The following SQSTM1 variants were observed in gnomAD, a reference collection of about 807,000 sequenced individuals.
SQSTM1 encodes the protein sequestosome 1, also known as sequestosome-1.
Under a neutral mutation model 45.1 loss-of-function variants are expected in SQSTM1, and 36 were observed. The ratio of observed to expected loss-of-function variants is 0.80; its 90% confidence interval spans 0.61 to 1.05. The LOEUF (loss-of-function observed/expected upper bound fraction) is 1.05, where lower values mean the gene tolerates loss of function less well. Among genes scored for constraint, SQSTM1 ranks in the 50% least tolerant of loss-of-function variants. The pLI, the probability that SQSTM1 is intolerant of heterozygous loss-of-function variation, is 0.00. For synonymous variants in SQSTM1, 290 were observed against 244.3 expected (o/e 1.19, Z -1.74); for missense variants, 617 against 607.1 (o/e 1.02, Z -0.17).
At chr5:179,814,850 A>T (rs1281296093), upstream of SQSTM1, among the ~76,000 whole-genome samples, 1 of 151,374 alleles carries the variant, frequency 6.6e-6, no homozygotes, top group Non-Finnish European at 1.5e-5. Context: ...GAGCCCAAGA[A>T]GATCATGGTT....
In SQSTM1 at chr5:179,837,942, G is replaced by A. The variant is rs531005543; in HGVS notation, c.*1349G>A. ...GTAAGAACAATGCCAGGGCCCAGGA[G>A]GACCGCCTGCCCTGCCTGGGCCTTG... On this transcript the variant is annotated 3_prime_UTR_variant, in exon 8 of 8. Transcript: ENST00000389805. 2.0e-6 allele frequency: 3 copies of A among 1,533,958 alleles called. No homozygotes were observed. The South Asian group carries it at 3.6e-5, about 18-fold the overall frequency.
Position 179,837,747 on chromosome 5 carries a change from A to C in SQSTM1, c.*1154A>C. ...AGGACAAATTGCGCCCATTTAGAGG[A>C]TGTGGCTGTAACCTGCTGGATGGGA... On this transcript the variant is annotated 3_prime_UTR_variant, in exon 8 of 8. Transcript: ENST00000389805. The C allele has an allele frequency of 6.2e-7, 1 of 1,614,202 alleles. No homozygotes were observed.
At chr5:179,830,714 T>C (rs763541151) in intron 5 of SQSTM1, among the ~76,000 whole-genome samples, 3 of 152,082 alleles carry the variant, frequency 2.0e-5, no homozygotes, top group Non-Finnish European at 4.4e-5. Context: ...CCCGCCACCA[T>C]GCCTGGCTAA....
intron 5 of SQSTM1, among the ~76,000 whole-genome samples, chr5:179,830,104 G>A (rs966945468): frequency 8.1e-5 from 12 of 148,070 alleles, no homozygotes; most frequent in African/African-American, 3.1e-4. Flanking sequence ...AACAGACCTT[G>A]TCTCAAACAA....
intron 5 of SQSTM1, 134 bp from the exon 6 acceptor site, chr5:179,832,898 C>G: frequency 1.1e-6 from 1 of 901,854 alleles, no homozygotes; most frequent in Non-Finnish European, 1.8e-6. Flanking sequence ...GTGCCACCAT[C>G]CAGACACTTA....
intron 1 of SQSTM1, 75 bp downstream of exon 1, chr5:179,821,216 T>C: frequency 7.8e-7 from 1 of 1,277,308 alleles, no homozygotes; most frequent in Non-Finnish European, 1.0e-6. Context: ...GGCTGCCCCC[T>C]CCCTTCTCGG....
rs769497182 is a variant in SQSTM1, at chr5:179,824,000, C to T, written c.444C>T (p.Tyr148=). 26 of 1,613,926 alleles carry T rather than the reference C, an allele frequency of 1.6e-5. No homozygotes were observed. The highest frequency in any genetic ancestry group is 2.0e-5 in the Non-Finnish European group (24 of 1,180,048). The part of the protein sequence containing the change: ...TRYKCSVCPD[Y]DLCSVCEGKG... ...ACAAGTGCAGCGTCTGCCCAGACTA[C>T]GACTTGTGTAGCGTCTGCGAGGGAA... The change falls in exon 3 of 8, where the codon TAC becomes TAT. Residue 148 remains tyrosine (Y), a synonymous_variant. Coordinates refer to ENST00000389805, the MANE Select transcript of SQSTM1 (RefSeq NM_003900.5).
intron 1 of SQSTM1, among the ~76,000 whole-genome samples, chr5:179,811,320 A>T: frequency 7.7e-6 from 1 of 129,874 alleles, no homozygotes; most frequent in Non-Finnish European, 1.6e-5. Flanking sequence ...TGCAGGGGGG[A>T]GGAGCTTTGC....
upstream of SQSTM1, among the ~76,000 whole-genome samples, chr5:179,819,334 C>A (rs1008654305): frequency 2.0e-5 from 3 of 151,932 alleles, no homozygotes; most frequent in African/African-American, 7.2e-5. Flanking sequence ...CCGCCCCCCC[C>A]CCAGTCTCTT....
intron 7 of SQSTM1, chr5:179,835,113 C>T: frequency 4.8e-6 from 1 of 209,814 alleles, no homozygotes; most frequent in Non-Finnish European, 9.9e-6. Flanking sequence ...AGAGGCGCTC[C>T]TCACATCCCA....
Position 179,823,445 on chromosome 5 carries a change from C to CAA in SQSTM1, c.302-379_302-378dup, listed in dbSNP as rs59899831. The CAA allele has an allele frequency of 8.7e-3, 487 of 55,946 alleles. 70 individuals are homozygous for CAA. Among genetic ancestry groups the CAA allele is most frequent in the Middle Eastern group, 0.036 (2 of 56 alleles). 3.5% of individuals were successfully genotyped at this position (55,946 alleles called of 1,614,324 possible). A position where few individuals can be genotyped will look rare whatever the true frequency, so the allele number is the denominator to read the frequency against. ...CATGACTGTACTCCAGCCTAGGCGA[C>CAA]AAAAAAAAAAAAAAAAAAAAAAAAA... On this transcript the variant is annotated intron_variant, in intron 2 of 7. Coordinates refer to ENST00000389805, the MANE Select transcript of SQSTM1 (RefSeq NM_003900.5).
chr5:179,821,735 A>T (rs1035052462), intron 1 of SQSTM1: 12 of 322,274 alleles, frequency 3.7e-5, no homozygotes, highest in African/African-American at 2.8e-4. Context: ...TCCCATTGGC[A>T]AGTGGACGAG....
rs772591130 is a variant in SQSTM1, at chr5:179,833,780, C to G, written c.1163C>G (p.Pro388Arg). The change falls in exon 7 of 8, where the codon CCA becomes CGA. Residue 388 changes from proline to arginine, a missense_variant and splice_region_variant. Physicochemically the swap from Pro to Arg is moderately radical, Grantham distance 103 (BLOSUM62 -2). Coordinates refer to ENST00000389805, the MANE Select transcript of SQSTM1 (RefSeq NM_003900.5). ...GCTGCCTTGTACCCACATCTCCCGC[C>G]AGGCAAGTGAACCAAGAGGTTTTGT... ...KEAALYPHLP[P>R]EADPRLIESL... 4.3e-6 allele frequency: 7 copies of G among 1,614,070 alleles called. No individual in the cohort carries two copies. The highest frequency in any genetic ancestry group is 5.9e-6 in the Non-Finnish European group (7 of 1,180,014).
chr5:179,832,541 G>T (rs1427155895), intron 5 of SQSTM1, among the ~76,000 whole-genome samples: 1 of 152,220 alleles, frequency 6.6e-6, no homozygotes, highest in Non-Finnish European at 1.5e-5. Flanking sequence ...CATCACTGTG[G>T]CTGGAAGCGC....
chr5:179,833,298 G>A, intron 6 of SQSTM1, 52 bp downstream of exon 6: 1 of 1,501,456 alleles, frequency 6.7e-7, no homozygotes, highest in Non-Finnish European at 9.0e-7. Flanking sequence ...CTAGTGATCT[G>A]TGGCCTGCAC....
At chr5:179,821,303 G>A (rs1479666579) in intron 1 of SQSTM1, among the ~76,000 whole-genome samples, 162 bp downstream of exon 1, 1 of 152,204 alleles carries the variant, frequency 6.6e-6, no homozygotes, top group Admixed American at 6.5e-5. Context: ...TCCCCAGTTC[G>A]GCCATGGGAG....
rs551182243 is a variant in SQSTM1, at chr5:179,828,607, C to G, written c.754+3381C>G. 2.6e-5 allele frequency among the ~76,000 whole-genome samples: 4 copies of G among 152,276 alleles called. No individual in the cohort carries two copies. The East Asian group carries it at 7.7e-4, about 29-fold the overall frequency. ...CAGGCTGGTCTCGAACTCCCGACCT[C>G]AGGTGATCTGCCCGCCTTGGCCTCC... On this transcript the variant is annotated intron_variant, in intron 5 of 7. Coordinates refer to ENST00000389805, the MANE Select transcript of SQSTM1 (RefSeq NM_003900.5).
At chr5:179,813,741 T>A (rs2113465288) in intron 2 of SQSTM1, 1 of 145,102 alleles carries the variant, frequency 6.9e-6, no homozygotes, top group East Asian at 2.0e-4. Flanking sequence ...GGCCACAGAG[T>A]GAGACCTTTT....
chr5:179,832,004 C>T (rs1435097577), intron 5 of SQSTM1, among the ~76,000 whole-genome samples: 4 of 152,190 alleles, frequency 2.6e-5, no homozygotes, highest in East Asian at 1.9e-4. Context: ...AGGGTAGTCT[C>T]GATCTCCTGA....
Sources: gnomAD v4.1 joint callset for allele counts (sites outside exome capture counted in the v4.1 genomes callset) on GRCh38, gnomAD v4.1.1 for gene constraint, MANE v1.5 for transcripts, NCBI Gene and HGNC (gene_info 2026-07-23, HGNC 2026-07-21) for gene names.